The following FER variants were observed in gnomAD, a reference collection of about 807,000 sequenced individuals.
FER encodes tyrosine-protein kinase Fer.
FER carries 63 observed loss-of-function variants against 111.0 expected under a neutral mutation model. The ratio of observed to expected loss-of-function variants is 0.57; its 90% confidence interval spans 0.46 to 0.70. The LOEUF (loss-of-function observed/expected upper bound fraction) is 0.70. Ranked by LOEUF, FER falls within the 30% of genes least tolerant of loss-of-function variation. The pLI is 0.00. For synonymous variants in FER, 327 were observed against 313.9 expected (o/e 1.04, Z -0.44); for missense variants, 914 against 954.0 (o/e 0.96, Z 0.55).
At chr5:108,927,650 A>G (rs1443012807) in intron 10 of FER, among the ~76,000 whole-genome samples, 1 of 152,222 alleles carries the variant, frequency 6.6e-6, no homozygotes, top group Admixed American at 6.5e-5. Flanking sequence ...GTTGTATTGC[A>G]TTTTATCCCT....
At chr5:108,833,451 C>T (rs1222839617) in intron 4 of FER, among the ~76,000 whole-genome samples, 3 of 150,436 alleles carry the variant, frequency 2.0e-5, no homozygotes, top group Admixed American at 6.6e-5. Context: ...ACCTACCCAT[C>T]ACCTGAATAG....
At chr5:109,023,962 CACTG>C (rs1768301320) in intron 13 of FER, among the ~76,000 whole-genome samples, 1 of 152,120 alleles carries the variant, frequency 6.6e-6, no homozygotes, top group Non-Finnish European at 1.5e-5. Flanking sequence ...ATATGTTAGG[CACTG>C]ACTGAGTACT....
At chr5:108,993,143 CG>C (rs1561735392) in intron 13 of FER, among the ~76,000 whole-genome samples, 2 of 152,014 alleles carry the variant, frequency 1.3e-5, no homozygotes, top group African/African-American at 4.8e-5. Flanking sequence ...GGGTGGCGGC[CG>C]GGCAGAGGCT....
intron 5 of FER, among the ~76,000 whole-genome samples, chr5:108,838,283 G>A (rs1760878910): frequency 6.6e-6 from 1 of 152,042 alleles, no homozygotes; most frequent in Non-Finnish European, 1.5e-5. Flanking sequence ...GGACACTTTT[G>A]GAATGGGCCC....
chr5:108,810,578 A>C (rs1757655766), intron 3 of FER, among the ~76,000 whole-genome samples: 1 of 152,190 alleles, frequency 6.6e-6, no homozygotes, highest in African/African-American at 2.4e-5. Context: ...GAGTTGGCCA[A>C]ACTCCTAATC....
At chr5:109,094,642 A>G (rs1005253846) in intron 16 of FER, among the ~76,000 whole-genome samples, 1 of 152,176 alleles carries the variant, frequency 6.6e-6, no homozygotes, top group Non-Finnish European at 1.5e-5. Context: ...CAACTCTGTC[A>G]TTATAGCATG....
At chr5:108,772,153 T>G (rs1752966710) in intron 2 of FER, among the ~76,000 whole-genome samples, 8 of 152,150 alleles carry the variant, frequency 5.3e-5, no homozygotes, top group Admixed American at 5.2e-4. Context: ...TGTCTATGAG[T>G]GCAGATCATT....
intron 16 of FER, among the ~76,000 whole-genome samples, chr5:109,067,145 G>GGT (rs1775188281): frequency 6.6e-6 from 1 of 152,166 alleles, no homozygotes; most frequent in Non-Finnish European, 1.5e-5. Context: ...AGATTGGAAA[G>GGT]GTAGGACCTT....
At chr5:109,117,583 A>G (rs10477946) in intron 17 of FER, among the ~76,000 whole-genome samples, 28,733 of 151,754 alleles carry the variant, frequency 0.19, 2,811 homozygotes, top group Non-Finnish European at 0.22. Context: ...CATTGAATCT[A>G]TAAATTACCT....
At chr5:109,023,654 T>C (rs141341841) in intron 13 of FER, among the ~76,000 whole-genome samples, 2 of 147,532 alleles carry the variant, frequency 1.4e-5, no homozygotes, top group Admixed American at 1.3e-4. Context: ...TTTGGGGTTT[T>C]TTTGTAACTT....
At chr5:108,787,568 G>A (rs1354574151) in intron 2 of FER, among the ~76,000 whole-genome samples, 1 of 152,182 alleles carries the variant, frequency 6.6e-6, no homozygotes, top group East Asian at 1.9e-4. Context: ...ATTTGATGGG[G>A]CTTTTTCTAG....
intron 2 of FER, chr5:108,785,364 C>T (rs1754583014): frequency 1.7e-6 from 1 of 582,086 alleles, no homozygotes; most frequent in South Asian, 1.5e-5. Context: ...GCCATGGGCC[C>T]CAGCATCAAG....
intron 18 of FER, among the ~76,000 whole-genome samples, chr5:109,184,567 A>C (rs2126876306): frequency 6.6e-6 from 1 of 152,288 alleles, no homozygotes; most frequent in South Asian, 2.1e-4. Flanking sequence ...TATCTTACAA[A>C]ATAAGATATG....
intron 13 of FER, among the ~76,000 whole-genome samples, chr5:108,985,190 A>G (rs1762427396): frequency 6.6e-6 from 1 of 152,194 alleles, no homozygotes; most frequent in Admixed American, 6.5e-5. Flanking sequence ...AATTGTTTTT[A>G]AAAATAAATG....
At chr5:108,865,354 C>A (rs71592774) in intron 5 of FER, among the ~76,000 whole-genome samples, 8,678 of 152,186 alleles carry the variant, frequency 0.057, 341 homozygotes, top group Non-Finnish European at 0.082. Context: ...ATTTCCTTCT[C>A]CTGCCTGATT....
chr5:108,800,996 G>A (rs893484220), intron 3 of FER, among the ~76,000 whole-genome samples: 26 of 152,132 alleles, frequency 1.7e-4, no homozygotes, highest in African/African-American at 5.6e-4. Context: ...GCAGTGAGCC[G>A]AGGTCATGCC....
chr5:109,128,769 C>A (rs1057180922), intron 17 of FER, among the ~76,000 whole-genome samples: 1 of 151,930 alleles, frequency 6.6e-6, no homozygotes, highest in Non-Finnish European at 1.5e-5. Context: ...ATATATGGAG[C>A]ATACATTTAA....
intron 13 of FER, among the ~76,000 whole-genome samples, chr5:108,980,504 A>G (rs1433693648): frequency 5.3e-5 from 8 of 152,176 alleles, no homozygotes; most frequent in Admixed American, 1.3e-4. Context: ...AAATATTCCA[A>G]GCCAAAATAG....
At chr5:108,938,953 G>C (rs986408913) in intron 10 of FER, among the ~76,000 whole-genome samples, 1 of 152,014 alleles carries the variant, frequency 6.6e-6, no homozygotes, top group Non-Finnish European at 1.5e-5. Context: ...TCTCCCAAAA[G>C]ATGCAAATAG....
Sources: allele counts gnomAD v4.1 joint callset (sites outside exome capture counted in the v4.1 genomes callset), GRCh38; gene constraint gnomAD v4.1.1; transcripts MANE v1.5; gene names NCBI Gene and HGNC (gene_info 2026-07-23, HGNC 2026-07-21).